Variants in ADGRB3 observed in about 807,000 individuals in gnomAD.
ADGRB3 encodes the protein adhesion G protein-coupled receptor B3.
ADGRB3 carries 37 observed loss-of-function variants against 193.4 expected under a neutral mutation model. The observed-to-expected ratio is 0.19, with a 90% confidence interval of 0.15 to 0.25. The LOEUF is 0.25. Among genes scored for constraint, ADGRB3 ranks in the 10% least tolerant of loss-of-function variants. The pLI, the probability that ADGRB3 is intolerant of heterozygous loss-of-function variation, is 1.00. For missense variants in ADGRB3, 1,637 were observed against 1,852.9 expected, an observed-to-expected ratio of 0.88 and a Z score of 2.14; for synonymous variants, 690 against 644.2, an observed-to-expected ratio of 1.07 and a Z score of -1.08.
chr6:68,640,520 G>C (rs1768062484), intron 3 of ADGRB3, among the ~76,000 whole-genome samples: 1 of 152,180 alleles, frequency 6.6e-6, no homozygotes, highest in African/African-American at 2.4e-5. Context: ...TCCCAATCCT[G>C]AAACCAGAGA....
Position 68,639,133 on chromosome 6 carries a change from T to C in ADGRB3, c.458T>C (p.Phe153Ser). The change falls in exon 3 of 32, where the codon TTT becomes TCT. Residue 153 changes from phenylalanine to serine, a missense_variant. By Grantham distance (155) the Phe-to-Ser change is radical. Transcript: ENST00000370598. ...GGGGAAGAAGATCAGAAATCTTTTT[T>C]TGAGTTTTTGGTATTGAACAAGGTC... Reference protein sequence around the residue: ...KKGEEDQKSFFEFLVLNKVSP... With the variant: ...KKGEEDQKSFSEFLVLNKVSP... 1 of 1,614,178 alleles carries C rather than the reference T, an allele frequency of 6.2e-7. No homozygotes were observed. The highest frequency in any genetic ancestry group is 8.5e-7 in the Non-Finnish European group (1 of 1,180,040).
intron 10 of ADGRB3, among the ~76,000 whole-genome samples, chr6:68,979,763 A>G (rs1468871109): frequency 1.3e-5 from 2 of 151,482 alleles, no homozygotes; most frequent in Non-Finnish European, 3.0e-5. Flanking sequence ...TAAATATTGT[A>G]GTCCAGTGGG....
chr6:69,249,903 G>A (rs1766585072), intron 20 of ADGRB3, among the ~76,000 whole-genome samples: 1 of 152,188 alleles, frequency 6.6e-6, no homozygotes, highest in Admixed American at 6.5e-5. Context: ...AATTTAAGAT[G>A]TATGAAATTC....
At chr6:69,269,561 C>A (rs55966798) in intron 20 of ADGRB3, among the ~76,000 whole-genome samples, 7,686 of 151,988 alleles carry the variant, frequency 0.051, 267 homozygotes, top group Middle Eastern at 0.14. Flanking sequence ...TTTTTTATTT[C>A]TTTTGTTACC....
chr6:68,846,545 C>T (rs895410924), intron 3 of ADGRB3, among the ~76,000 whole-genome samples: 23 of 152,232 alleles, frequency 1.5e-4, no homozygotes, highest in Non-Finnish European at 3.1e-4. Flanking sequence ...GTCCCAGCCT[C>T]TCCAGCCATG....
chr6:68,911,458 A>C (rs2150237521), intron 3 of ADGRB3, among the ~76,000 whole-genome samples: 1 of 152,300 alleles, frequency 6.6e-6, no homozygotes, highest in African/African-American at 2.4e-5. Context: ...GCCACAGGTC[A>C]AGACAGCAAA....
At position 68,956,301 on chromosome 6, in the gene ADGRB3, A is replaced by ATATG. The variant is rs71672105; in HGVS notation, c.1360+114_1360+115insATGT. The ATATG allele has an allele frequency of 9.1e-3, 7,970 of 876,944 alleles. 282 individuals carry two copies. The African/African-American group carries it at 0.1, about 11-fold the overall frequency. The allele number at this position is 876,944 out of a possible 1,614,324, so 54.3% of individuals were successfully genotyped here. A position where few individuals can be genotyped will look rare whatever the true frequency, so the allele number is the denominator to read the frequency against. On this transcript the variant is annotated intron_variant, in intron 7 of 31. Transcript: ENST00000370598. ...GAAAGAAGATAATCATTATATATAT[A>ATATG]TGTGTGTGTGTGTGTGTGTGTGTGT...
intron 3 of ADGRB3, among the ~76,000 whole-genome samples, chr6:68,729,681 G>T (rs1227633792): frequency 2.0e-5 from 3 of 151,548 alleles, no homozygotes; most frequent in African/African-American, 7.3e-5. Context: ...TTCGATTATT[G>T]CTGGGTGGTT....
chr6:68,831,261 C>A (rs1451916782), intron 3 of ADGRB3, among the ~76,000 whole-genome samples: 2 of 142,110 alleles, frequency 1.4e-5, no homozygotes, highest in Non-Finnish European at 3.0e-5. Context: ...AGGCTACTCA[C>A]TTAGGCGGCG....
chr6:69,182,344 A>C (rs139516582), intron 17 of ADGRB3, among the ~76,000 whole-genome samples: 67 of 151,868 alleles, frequency 4.4e-4, no homozygotes, highest in African/African-American at 1.5e-3. Context: ...ATCAAACACC[A>C]CTTGTTCCCC....
intron 20 of ADGRB3, among the ~76,000 whole-genome samples, chr6:69,267,080 T>C (rs1287482157): frequency 6.6e-6 from 1 of 152,110 alleles, no homozygotes; most frequent in East Asian, 1.9e-4. Flanking sequence ...TCTTAATAGC[T>C]TTCCCCAACT....
intron 11 of ADGRB3, among the ~76,000 whole-genome samples, chr6:68,995,419 T>C (rs1443526194): frequency 6.6e-6 from 1 of 152,192 alleles, no homozygotes; most frequent in African/African-American, 2.4e-5. Context: ...AAAATTCTTA[T>C]GTGTGCAAGT....
chr6:69,055,673 A>AT (rs1264700041), intron 15 of ADGRB3, among the ~76,000 whole-genome samples: 1 of 152,002 alleles, frequency 6.6e-6, no homozygotes, highest in African/African-American at 2.4e-5. Context: ...TCATTGGATT[A>AT]TTTTTTGTTT....
rs547239751 is a variant in ADGRB3, at chr6:69,247,275, C to G, written c.2814+8049C>G. Among the ~76,000 whole-genome samples, 181 of 152,240 alleles carry G rather than the reference C, an allele frequency of 1.2e-3. 4 individuals are homozygous for G. The highest frequency in any genetic ancestry group is 2.8e-4 in the Non-Finnish European group (19 of 68,020). On this transcript the variant is annotated intron_variant, in intron 20 of 31. Coordinates refer to ENST00000370598, the MANE Select transcript of ADGRB3 (RefSeq NM_001704.3). ...CCTGCATTCAGGGCTGCCTGAAGTA[C>G]CTAAGTTGACTTTGTGGGAAATAAA...
At chr6:68,737,430 A>T (rs1276865137) in intron 3 of ADGRB3, among the ~76,000 whole-genome samples, 1 of 152,164 alleles carries the variant, frequency 6.6e-6, no homozygotes, top group African/African-American at 2.4e-5. Context: ...CTCCATTTTG[A>T]ATATAAGAAC....
chr6:69,239,091 T>A (rs763429182), intron 19 of ADGRB3, 33 bp from the exon 20 acceptor site: 1 of 1,337,626 alleles, frequency 7.5e-7, no homozygotes, highest in Non-Finnish European at 1.1e-6. Flanking sequence ...CTGTTGGATT[T>A]TAAAGTTGGG....
Position 69,354,244 on chromosome 6 carries a change from A to G in ADGRB3, c.3471A>G (p.Ala1157=), listed in dbSNP as rs1005921326. Residue 1157 remains alanine (A), a synonymous_variant, in exon 27 of 32, where the codon GCA becomes GCG. Coordinates refer to ENST00000370598, the MANE Select transcript of ADGRB3 (RefSeq NM_001704.3). ...HCILRREVQD[A]FRCRLRNCQD... ...CCCCCTCCCCACAGGTTCAGGATGC[A>G]TTTAGATGCCGATTGAGAAACTGTC... 2 of 1,613,868 alleles carry G rather than the reference A, an allele frequency of 1.2e-6. No individual in the cohort carries two copies. Among genetic ancestry groups the G allele is most frequent in the Admixed American group, 1.7e-5 (1 of 59,998 alleles).
intron 3 of ADGRB3, among the ~76,000 whole-genome samples, chr6:68,707,936 G>C (rs1387303103): frequency 6.6e-6 from 1 of 152,184 alleles, no homozygotes; most frequent in Non-Finnish European, 1.5e-5. Context: ...CAAAGTTCCT[G>C]TGCAAGAGGA....
chr6:69,006,682 A>AT (rs1769766535), intron 11 of ADGRB3, among the ~76,000 whole-genome samples: 1 of 150,836 alleles, frequency 6.6e-6, no homozygotes, highest in African/African-American at 2.4e-5. Flanking sequence ...ATTTTTTTTT[A>AT]TTTTTAGTAG....
Sources: gnomAD v4.1 joint callset for allele counts (sites outside exome capture counted in the v4.1 genomes callset) on GRCh38, gnomAD v4.1.1 for gene constraint, MANE v1.5 for transcripts, NCBI Gene and HGNC (gene_info 2026-07-23, HGNC 2026-07-21) for gene names.